Variants in ACOT8 observed in about 807,000 individuals in gnomAD.
The protein encoded by ACOT8 is acyl-CoA thioesterase 8.
In ACOT8, 31 loss-of-function variants were observed where a neutral mutation model predicts 38.4. The ratio of observed to expected loss-of-function variants is 0.81; its 90% CI spans 0.61 to 1.09. The LOEUF is 1.09. ACOT8 is among the 50% of genes least tolerant of loss of function. The pLI, the probability that ACOT8 is intolerant of heterozygous loss-of-function variation, is 0.00. For synonymous variants in ACOT8, 158 were observed against 170.3 expected, an observed-to-expected ratio of 0.93 and a Z score of 0.56; for missense variants, 373 against 421.8, an observed-to-expected ratio of 0.88 and a Z score of 1.01.
chr20:45,854,751 A>G (rs1464639122), intron 2 of ACOT8, among the ~76,000 whole-genome samples: 1 of 152,100 alleles, frequency 6.6e-6, no homozygotes, highest in East Asian at 1.9e-4. Flanking sequence ...GAAGCCTTAG[A>G]TCCCTTGACT....
chr20:45,855,863 T>G (rs1387990638), intron 1 of ACOT8, among the ~76,000 whole-genome samples: 1 of 152,214 alleles, frequency 6.6e-6, no homozygotes, highest in East Asian at 1.9e-4. Context: ...GCCCCAGAGA[T>G]GAAAATGCTT....
At chr20:45,856,240 G>C (rs964474308) in intron 1 of ACOT8, among the ~76,000 whole-genome samples, 5 of 152,222 alleles carry the variant, frequency 3.3e-5, no homozygotes, top group African/African-American at 1.2e-4. Context: ...CTCCAGCCTG[G>C]ACAACAGGGC....
intron 1 of ACOT8, 141 bp downstream of exon 1, chr20:45,857,047 G>A (rs73911122): frequency 0.031 from 30,887 of 992,422 alleles, 1,514 homozygotes; most frequent in African/African-American, 0.16. Flanking sequence ...TCTGTTGGGG[G>A]CGAGTTCTCT....
At chr20:45,851,639 A>G (rs1434238553) in intron 2 of ACOT8, among the ~76,000 whole-genome samples, 1 of 152,224 alleles carries the variant, frequency 6.6e-6, no homozygotes, top group East Asian at 1.9e-4. Flanking sequence ...AACTATGTAG[A>G]GCCACTCTTA....
intron 2 of ACOT8, chr20:45,853,569 A>G: frequency 6.1e-6 from 1 of 164,766 alleles, no homozygotes; most frequent in South Asian, 1.6e-4. Flanking sequence ...GAAGAGATTC[A>G]GAGTTCAAGT....
intron 3 of ACOT8, among the ~76,000 whole-genome samples, chr20:45,848,235 C>T (rs1984814520): frequency 6.6e-6 from 1 of 152,116 alleles, no homozygotes; most frequent in African/African-American, 2.4e-5. Flanking sequence ...TACCATGACC[C>T]AGTACAGACA....
rs201543450 is a variant in ACOT8, at chr20:45,851,366, G to GA, written c.263-2692dup. Among the ~76,000 whole-genome samples, 680 of 151,552 alleles carry GA rather than the reference G, an allele frequency of 4.5e-3. 1 individual carries two copies. The highest frequency in any genetic ancestry group is 0.016 in the African/African-American group (648 of 41,390). On this transcript the variant is annotated intron_variant, in intron 2 of 5. Transcript: ENST00000217455. ...TCCTCCCTACCACCAAACTTGGGGG[G>GA]AAAAAACAAAAAAAAACCTCTAATC...
In ACOT8 at chr20:45,857,215, A is replaced by G; in HGVS notation, c.101T>C (p.Leu34Pro). 1 of 1,613,516 alleles carries G rather than the reference A, an allele frequency of 6.2e-7. No homozygotes were observed. Among genetic ancestry groups the G allele is most frequent in the Non-Finnish European group, 8.5e-7 (1 of 1,179,836 alleles). ...RSVLVTTVLN[L>P]EPLDEDLFRG... ...GAAGAGATCCTCGTCCAGCGGCTCG[A>G]GGTTGAGCACGGTCGTGACCAAGAC... The change falls in exon 1 of 6, where the codon CTC becomes CCC. Residue 34 changes from leucine to proline, a missense_variant. Leu to Pro is a moderately conservative substitution (Grantham distance 98, BLOSUM62 -3). Coordinates refer to ENST00000217455, the MANE Select transcript of ACOT8 (RefSeq NM_005469.4).
At position 45,848,749 on chromosome 20, in the gene ACOT8, C is replaced by G. The variant is rs905398131; in HGVS notation, c.263-74G>C. ...ACAACGCCTGACAGGCACTCTACTA[C>G]TCATCTTCCATTCCATTTCATCTCA... On this transcript the variant is annotated intron_variant, in intron 2 of 5. Coordinates refer to ENST00000217455, the MANE Select transcript of ACOT8 (RefSeq NM_005469.4). 4 of 1,283,898 alleles carry G rather than the reference C, an allele frequency of 3.1e-6. No homozygotes were observed. The African/African-American group carries it at 4.4e-5, about 14-fold the overall frequency. The allele number at this position is 1,283,898 out of a possible 1,614,324, so 79.5% of individuals were successfully genotyped here. A position where few individuals can be genotyped will look rare whatever the true frequency, so the allele number is the denominator to read the frequency against.
intron 2 of ACOT8, among the ~76,000 whole-genome samples, chr20:45,852,883 C>G (rs780334632): frequency 6.6e-6 from 1 of 152,184 alleles, no homozygotes; most frequent in Non-Finnish European, 1.5e-5. Context: ...ATTCTCCTAC[C>G]TCAGCCTCCT....
intron 2 of ACOT8, chr20:45,848,946 G>C: frequency 2.6e-6 from 1 of 382,840 alleles, no homozygotes; most frequent in Non-Finnish European, 4.7e-6. Flanking sequence ...CACCAGCCGT[G>C]TGACCCTTCA....
intron 5 of ACOT8, 54 bp from the exon 6 acceptor site, chr20:45,842,010 T>C (rs776729268): frequency 1.1e-4 from 41 of 363,926 alleles, no homozygotes; most frequent in Non-Finnish European, 1.5e-4. Flanking sequence ...CCAAATACAC[T>C]TTTTTTTTTT....
chr20:45,844,514 G>C, intron 3 of ACOT8, 94 bp from the exon 4 acceptor site: 1 of 1,435,946 alleles, frequency 7.0e-7, no homozygotes, highest in Non-Finnish European at 9.5e-7. Context: ...TCTTCCACAG[G>C]GACCCCTGAT....
chr20:45,853,982 GC>G (rs1278950005), intron 2 of ACOT8: 1 of 1,303,788 alleles, frequency 7.7e-7, no homozygotes, highest in Non-Finnish European at 1.0e-6. Context: ...GAGGGCATCT[GC>G]TCTGGGGGTA....
At chr20:45,855,068 T>C (rs941442757) in intron 2 of ACOT8, 91 bp downstream of exon 2, 1 of 1,541,754 alleles carries the variant, frequency 6.5e-7, no homozygotes, top group Non-Finnish European at 8.8e-7. Context: ...TCTTCCAGTC[T>C]CCCTCTCTTC....
intron 5 of ACOT8, chr20:45,843,078 C>T: frequency 8.7e-7 from 1 of 1,146,606 alleles, no homozygotes; most frequent in Non-Finnish European, 1.1e-6. Context: ...TTTCCTGGAC[C>T]TTATCCAAGA....
chr20:45,849,558 C>T (rs912128969), intron 2 of ACOT8, among the ~76,000 whole-genome samples: 5 of 151,982 alleles, frequency 3.3e-5, no homozygotes, highest in African/African-American at 1.2e-4. Context: ...TCAAGCCATG[C>T]TCATGCCTCA....
chr20:45,843,456 A>G, intron 5 of ACOT8, 71 bp downstream of exon 5: 1 of 1,548,428 alleles, frequency 6.5e-7, no homozygotes, highest in East Asian at 2.4e-5. Context: ...TCGGGAAATC[A>G]GCATCACCCA....
At chr20:45,854,025 T>G in intron 2 of ACOT8, 1 of 1,248,424 alleles carries the variant, frequency 8.0e-7, no homozygotes, top group Non-Finnish European at 1.1e-6. Flanking sequence ...TGAGGGTTTT[T>G]TTTGTTTGTT....
Sources: allele counts gnomAD v4.1 joint callset (sites outside exome capture counted in the v4.1 genomes callset), GRCh38; gene constraint gnomAD v4.1.1; transcripts MANE v1.5; gene names NCBI Gene and HGNC (gene_info 2026-07-23, HGNC 2026-07-21).